The following VPS36 variants were observed in gnomAD, a reference collection of about 807,000 sequenced individuals.
VPS36 encodes the protein vacuolar protein-sorting-associated protein 36.
A neutral mutation model predicts 63.5 loss-of-function variants in VPS36; 31 were observed. The ratio of observed to expected loss-of-function variants is 0.49; its 90% CI spans 0.37 to 0.66. The LOEUF is 0.66. Ranked by LOEUF, VPS36 falls within the 30% of genes least tolerant of loss-of-function variation. VPS36 has a pLI of 0.00. For missense variants in VPS36, 338 were observed against 463.7 expected (o/e 0.73, Z 2.49); for synonymous variants, 138 against 157.2 (o/e 0.88, Z 0.91).
intron 9 of VPS36, 126 bp from the exon 10 acceptor site, chr13:52,423,765 CTTTAT>C (rs1958069067): frequency 1.3e-6 from 1 of 785,022 alleles, no homozygotes; most frequent in East Asian, 2.7e-5. Flanking sequence ...TTATAAAAAA[CTTTAT>C]TTATACAAAG....
intron 5 of VPS36, among the ~76,000 whole-genome samples, chr13:52,434,046 C>G (rs933811075): frequency 3.3e-5 from 5 of 152,136 alleles, no homozygotes; most frequent in African/African-American, 9.7e-5. Context: ...TATTACGTAT[C>G]AGATACTTAA....
rs547245585 is a variant in VPS36, at chr13:52,416,655, A to G, written c.990+402T>C. On this transcript the variant is annotated intron_variant, in intron 12 of 13. Transcript: ENST00000378060. ...TCCATCTAAACTACAGTTGCTTTTT[A>G]TATTTTTTGAAGCAATTATTTTCAT... is the stretch of plus-strand genomic sequence containing the variant. Among the ~76,000 whole-genome samples, 4 of 152,320 alleles carry G rather than the reference A, an allele frequency of 2.6e-5. 1 individual carries two copies. In the South Asian group the frequency reaches 6.2e-4, roughly 24 times the overall value.
chr13:52,422,899 T>C (rs1443357632), intron 10 of VPS36, among the ~76,000 whole-genome samples: 1 of 152,176 alleles, frequency 6.6e-6, no homozygotes, highest in East Asian at 1.9e-4. Flanking sequence ...TTCCCACATA[T>C]TTTCGAGGGA....
chr13:52,433,868 A>G lies in VPS36; in HGVS notation c.442-120T>C, dbSNP rs1013165439. The stretch of plus-strand genomic sequence containing the variant: ...AGGACCTACAAAGAACCAAAGAAAA[A>G]CAGCATACACGGACATTTAGCTTCC... On this transcript the variant is annotated intron_variant, in intron 5 of 13. Coordinates refer to ENST00000378060, the MANE Select transcript of VPS36 (RefSeq NM_016075.4). The G allele has an allele frequency of 4.1e-6, 3 of 738,330 alleles. No individual in the cohort carries two copies. The Admixed American group carries it at 8.4e-5, about 21-fold the overall frequency. 45.7% of individuals were successfully genotyped at this position (738,330 alleles called of 1,614,324 possible). A position where few individuals can be genotyped will look rare whatever the true frequency, so the allele number is the denominator to read the frequency against.
chr13:52,419,095 TA>T (rs1240741740), intron 10 of VPS36, among the ~76,000 whole-genome samples: 1 of 152,226 alleles, frequency 6.6e-6, no homozygotes, highest in Non-Finnish European at 1.5e-5. Context: ...CAGTGGATGG[TA>T]AGTACTGACT....
intron 8 of VPS36, 138 bp downstream of exon 8, chr13:52,426,851 T>C: frequency 1.7e-6 from 1 of 585,250 alleles, no homozygotes; most frequent in Middle Eastern, 4.7e-4. Flanking sequence ...CGACACTCCG[T>C]CTCATAAATA....
At chr13:52,422,037 C>A (rs537308788) in intron 10 of VPS36, among the ~76,000 whole-genome samples, 1 of 152,242 alleles carries the variant, frequency 6.6e-6, no homozygotes, top group South Asian at 2.1e-4. Flanking sequence ...TGCCTCCCTA[C>A]TCTGCTATTG....
At chr13:52,419,522 G>T (rs985069542) in intron 10 of VPS36, among the ~76,000 whole-genome samples, 1 of 152,296 alleles carries the variant, frequency 6.6e-6, no homozygotes, top group Admixed American at 6.5e-5. Context: ...TGGGGAAAGG[G>T]GAACTCTTAC....
At chr13:52,439,233 C>T (rs903812798) in intron 2 of VPS36, 65 bp from the exon 3 acceptor site, 1 of 1,454,248 alleles carries the variant, frequency 6.9e-7, no homozygotes, top group Non-Finnish European at 9.5e-7. Flanking sequence ...TGTCAGAAAT[C>T]CTTGTTTTAT....
chr13:52,439,175 G>A lies in VPS36; in HGVS notation c.166-7C>T, dbSNP rs1213187787. The A allele has an allele frequency of 6.2e-7, 1 of 1,612,258 alleles. No individual in the cohort carries two copies. Among genetic ancestry groups the A allele is most frequent in the Non-Finnish European group, 8.5e-7 (1 of 1,179,066 alleles). On this transcript the variant is annotated splice_region_variant and splice_polypyrimidine_tract_variant and intron_variant, in intron 2 of 13. Transcript: ENST00000378060. Reference sequence around the variant, plus strand: ...GAATGGCCATGCAACACTCCTAGGAGGAAATCAATAGCTTAAATGAAAGAC... The same window carrying A: ...GAATGGCCATGCAACACTCCTAGGAAGAAATCAATAGCTTAAATGAAAGAC...
chr13:52,441,145 C>T (rs1187718292), intron 2 of VPS36, among the ~76,000 whole-genome samples: 1 of 152,110 alleles, frequency 6.6e-6, no homozygotes, highest in Non-Finnish European at 1.5e-5. Context: ...GGGTTGGGGA[C>T]CCCTGCTCTA....
At chr13:52,430,279 C>T (rs1958142055) in intron 6 of VPS36, among the ~76,000 whole-genome samples, 1 of 151,986 alleles carries the variant, frequency 6.6e-6, no homozygotes, top group Admixed American at 6.5e-5. Flanking sequence ...TGAAGAAAGG[C>T]AGTGAAACTG....
chr13:52,422,471 G>A (rs1958056360), intron 10 of VPS36, among the ~76,000 whole-genome samples: 1 of 152,258 alleles, frequency 6.6e-6, no homozygotes, highest in African/African-American at 2.4e-5. Context: ...ACTAGGGTTT[G>A]CTGTACAGAT....
chr13:52,435,922 G>A (rs978878293), intron 4 of VPS36: 1 of 167,388 alleles, frequency 6.0e-6, no homozygotes, highest in Admixed American at 6.0e-5. Flanking sequence ...ATTTAAAGCT[G>A]GGGAACCTTC....
At chr13:52,445,398 G>A (rs1323784212) in intron 1 of VPS36, among the ~76,000 whole-genome samples, 1 of 152,090 alleles carries the variant, frequency 6.6e-6, no homozygotes. Flanking sequence ...CCAGCACTTT[G>A]GGAGGCCGAG....
chr13:52,429,712 A>G (rs1349834172), intron 6 of VPS36, among the ~76,000 whole-genome samples: 3 of 152,236 alleles, frequency 2.0e-5, no homozygotes, highest in Non-Finnish European at 4.4e-5. Context: ...GTGACTCCAA[A>G]AAAATTAGAC....
chr13:52,426,226 T>TC (rs1958099632), intron 8 of VPS36, among the ~76,000 whole-genome samples, 160 bp from the exon 9 acceptor site: 1 of 152,246 alleles, frequency 6.6e-6, no homozygotes, highest in South Asian at 2.1e-4. Context: ...TTCCAGGAGT[T>TC]CCCTGCATAC....
chr13:52,431,717 A>G (rs907121443), intron 6 of VPS36, among the ~76,000 whole-genome samples: 6 of 148,872 alleles, frequency 4.0e-5, no homozygotes, highest in Non-Finnish European at 8.9e-5. Context: ...GAGCCAAAAT[A>G]GCGGCACTGC....
At chr13:52,445,406 G>A (rs552578655) in intron 1 of VPS36, among the ~76,000 whole-genome samples, 9 of 142,194 alleles carry the variant, frequency 6.3e-5, no homozygotes, top group South Asian at 2.3e-4. Context: ...TTGGGAGGCC[G>A]AGGAAGGCGG....
Sources: allele counts gnomAD v4.1 joint callset (sites outside exome capture counted in the v4.1 genomes callset), GRCh38; gene constraint gnomAD v4.1.1; transcripts MANE v1.5; gene names NCBI Gene and HGNC (gene_info 2026-07-23, HGNC 2026-07-21).